The following NUDT4 variants were observed in gnomAD, a reference collection of about 807,000 sequenced individuals.
The protein encoded by NUDT4 is diphosphoinositol polyphosphate phosphohydrolase 2.
In NUDT4, 5 loss-of-function variants were observed where a neutral mutation model predicts 23.1. The observed-to-expected ratio is 0.22, with a 90% confidence interval of 0.11 to 0.46. The LOEUF (loss-of-function observed/expected upper bound fraction) is 0.46, where lower values mean the gene tolerates loss of function less well. Ranked by LOEUF, NUDT4 falls within the 20% of genes least tolerant of loss-of-function variation. The pLI, the probability that NUDT4 is intolerant of heterozygous loss-of-function variation, is 0.99. For synonymous variants in NUDT4, 50 were observed against 79.0 expected (o/e 0.63, Z 1.95); for missense variants, 96 against 211.6 (o/e 0.45, Z 3.39).
At position 93,406,376 on chromosome 12, in the gene NUDT4, T is replaced by A. The variant is rs1470015839; in HGVS notation, c.*6997T>A. 6.6e-6 allele frequency: 1 copy of A among 151,152 alleles called. No homozygotes were observed. Among genetic ancestry groups the A allele is most frequent in the African/African-American group, 2.4e-5 (1 of 41,118 alleles). 9.4% of individuals were successfully genotyped at this position (151,152 alleles called of 1,614,324 possible). ...TTCCTCGATCCAATTTAGTTCCACTTAGGTCACTGTGTTTATAATGTCTTT... is the reference window on the plus strand; with the variant it reads ...TTCCTCGATCCAATTTAGTTCCACTAAGGTCACTGTGTTTATAATGTCTTT... On this transcript the variant is annotated 3_prime_UTR_variant, in exon 5 of 5. Transcript: ENST00000415493.
Position 93,378,257 on chromosome 12 carries a change from G to A in NUDT4, c.-66G>A, listed in dbSNP as rs1388790340. On this transcript the variant is annotated 5_prime_UTR_variant, in exon 1 of 5. The change creates a new upstream start codon in the 5' untranslated region. Transcript: ENST00000415493. Reference sequence around the variant, plus strand: ...GCCCTCGCCCCCACTCCCCGGCGGGGTGGCGGCGGCCGGGCCCCCACGGCG... The same window carrying A: ...GCCCTCGCCCCCACTCCCCGGCGGGATGGCGGCGGCCGGGCCCCCACGGCG... 1.8e-5 allele frequency: 12 copies of A among 675,132 alleles called. No homozygotes were observed. Among genetic ancestry groups the A allele is most frequent in the Non-Finnish European group, 2.2e-6 (1 of 444,568 alleles). The allele number at this position is 675,132 out of a possible 1,614,324, so 41.8% of individuals were successfully genotyped here.
At chr12:93,396,418 T>A (rs891996407) in intron 3 of NUDT4, among the ~76,000 whole-genome samples, 1 of 152,204 alleles carries the variant, frequency 6.6e-6, no homozygotes. Flanking sequence ...CAGATGTATC[T>A]TCATCCAAGA....
Position 93,395,551 on chromosome 12 carries a change from CTT to C in NUDT4, c.255+19_255+20del. On this transcript the variant is annotated intron_variant, in intron 3 of 4. Transcript: ENST00000415493. ...TATTTGAGGTGAGTTAAAAAGTAAT[CTT>C]CACTTTGCTGATAATAGAATTAATG... The C allele has an allele frequency of 6.3e-7, 1 of 1,581,990 alleles. No homozygotes were observed. Among genetic ancestry groups the C allele is most frequent in the East Asian group, 2.2e-5 (1 of 44,676 alleles).
At position 93,407,274 on chromosome 12, in the gene NUDT4, A is replaced by G. The variant is rs956396113; in HGVS notation, c.*7895A>G. The G allele has an allele frequency of 6.6e-6, 1 of 152,316 alleles. No individual in the cohort carries two copies. Among genetic ancestry groups the G allele is most frequent in the African/African-American group, 2.4e-5 (1 of 41,442 alleles). 9.4% of individuals were successfully genotyped at this position (152,316 alleles called of 1,614,324 possible). A position where few individuals can be genotyped will look rare whatever the true frequency, so the allele number is the denominator to read the frequency against. The stretch of plus-strand genomic sequence containing the variant: ...TGGCCTGAATCCAAAAGTCTGTCCA[A>G]GTTACTTCTCTTTTCCATGACAGAG... On this transcript the variant is annotated 3_prime_UTR_variant, in exon 5 of 5. Coordinates refer to ENST00000415493, the MANE Select transcript of NUDT4 (RefSeq NM_019094.6).
chr12:93,395,529 T>A lies in NUDT4; in HGVS notation c.251T>A (p.Phe84Tyr). The change falls in exon 3 of 5, where the codon TTT becomes TAT. Residue 84 changes from phenylalanine (F) to tyrosine (Y), a missense_variant. By Grantham distance (22) the Phe-to-Tyr change is conservative (BLOSUM62 3). Coordinates refer to ENST00000415493, the MANE Select transcript of NUDT4 (RefSeq NM_019094.6). ...AAACTAGGCAGACTTCTGGGCATATTTGAGGTGAGTTAAAAAGTAATCTTC... is the reference window on the plus strand; with the variant it reads ...AAACTAGGCAGACTTCTGGGCATATATGAGGTGAGTTAAAAAGTAATCTTC... ...KGKLGRLLGI[F>Y]ENQDRKHRTY... is the part of the protein sequence containing the mutation. 6.2e-7 allele frequency: 1 copy of A among 1,606,450 alleles called. No individual in the cohort carries two copies. The highest frequency in any genetic ancestry group is 8.5e-7 in the Non-Finnish European group (1 of 1,173,134).
chr12:93,397,286 A>G (rs1483568508), intron 3 of NUDT4, among the ~76,000 whole-genome samples: 1 of 124,428 alleles, frequency 8.0e-6, no homozygotes, highest in African/African-American at 2.6e-5. Context: ...TGATGTGTTA[A>G]TTGACAGTTG....
chr12:93,393,533 T>C (rs1476854567), intron 1 of NUDT4, among the ~76,000 whole-genome samples: 1 of 152,206 alleles, frequency 6.6e-6, no homozygotes, highest in Admixed American at 6.5e-5. Flanking sequence ...GTTGCATCAT[T>C]AAAACAACCA....
chr12:93,403,849 G>A lies in NUDT4; in HGVS notation c.*4470G>A, dbSNP rs977107986. 11 of 152,148 alleles carry A rather than the reference G, an allele frequency of 7.2e-5. No homozygotes were observed. Among genetic ancestry groups the A allele is most frequent in the Admixed American group, 2.6e-4 (4 of 15,280 alleles). The allele number at this position is 152,148 out of a possible 1,614,324, so 9.4% of individuals were successfully genotyped here. A position where few individuals can be genotyped will look rare whatever the true frequency, so the allele number is the denominator to read the frequency against. On this transcript the variant is annotated 3_prime_UTR_variant, in exon 5 of 5. Coordinates refer to ENST00000415493, the MANE Select transcript of NUDT4 (RefSeq NM_019094.6). Reference sequence around the variant, plus strand: ...GCCACTGGCTAAATTCTAGCAGTACGATGAGAGGGCCATTAAGGCCTATCT... The same window carrying A: ...GCCACTGGCTAAATTCTAGCAGTACAATGAGAGGGCCATTAAGGCCTATCT...
chr12:93,398,697 T>C (rs1233043068), intron 3 of NUDT4, 74 bp from the exon 4 acceptor site: 2 of 1,013,358 alleles, frequency 2.0e-6, no homozygotes, highest in Non-Finnish European at 3.0e-6. Context: ...GCCAGACTAA[T>C]TTTTTTCCCT....
At chr12:93,381,356 C>A (rs1875647613) in intron 1 of NUDT4, among the ~76,000 whole-genome samples, 1 of 152,186 alleles carries the variant, frequency 6.6e-6, no homozygotes, top group Non-Finnish European at 1.5e-5. Flanking sequence ...AGGCCCACAG[C>A]TAATTGCCCT....
intron 1 of NUDT4, among the ~76,000 whole-genome samples, chr12:93,389,067 A>G (rs559595641): frequency 6.6e-6 from 1 of 152,366 alleles, no homozygotes; most frequent in East Asian, 1.9e-4. Flanking sequence ...TTTTAAAACT[A>G]CCATCACCAA....
At chr12:93,396,636 G>A (rs1450870730) in intron 3 of NUDT4, among the ~76,000 whole-genome samples, 1 of 152,148 alleles carries the variant, frequency 6.6e-6, no homozygotes, top group Non-Finnish European at 1.5e-5. Context: ...AAAGTTGGCC[G>A]GGCGTGGTGG....
chr12:93,391,501 G>T (rs1051908389), intron 1 of NUDT4, among the ~76,000 whole-genome samples: 1 of 151,748 alleles, frequency 6.6e-6, no homozygotes, highest in African/African-American at 2.4e-5. Context: ...GGAGGCAGAG[G>T]TTGCTGTGAG....
At chr12:93,380,382 T>C (rs1020095892) in intron 1 of NUDT4, among the ~76,000 whole-genome samples, 1 of 152,244 alleles carries the variant, frequency 6.6e-6, no homozygotes, top group Admixed American at 6.5e-5. Flanking sequence ...ATTTTTATGC[T>C]TGGATATTAT....
intron 3 of NUDT4, among the ~76,000 whole-genome samples, chr12:93,396,746 C>T (rs531077737): frequency 1.3e-5 from 2 of 152,234 alleles, no homozygotes; most frequent in Non-Finnish European, 2.9e-5. Flanking sequence ...AACCCTGTCT[C>T]TACTAAAAAT....
At position 93,405,674 on chromosome 12, in the gene NUDT4, A is replaced by G. The variant is rs907793603; in HGVS notation, c.*6295A>G. ...GTGTATAGTTAAGAAAACAAACAAT[A>G]TATTACTAGTCCAGGTGGTAGATGA... On this transcript the variant is annotated 3_prime_UTR_variant, in exon 5 of 5. Transcript: ENST00000415493. 17 of 152,166 alleles carry G rather than the reference A, an allele frequency of 1.1e-4. No individual in the cohort carries two copies. Among genetic ancestry groups the G allele is most frequent in the Admixed American group, 5.2e-4 (8 of 15,280 alleles). 9.4% of individuals were successfully genotyped at this position (152,166 alleles called of 1,614,324 possible). A position where few individuals can be genotyped will look rare whatever the true frequency, so the allele number is the denominator to read the frequency against.
intron 3 of NUDT4, among the ~76,000 whole-genome samples, chr12:93,395,944 C>T (rs2120955947): frequency 6.6e-6 from 1 of 152,346 alleles, no homozygotes. Flanking sequence ...TGGTCTCCAT[C>T]TCTTGACCTA....
Position 93,404,402 on chromosome 12 carries a change from G to A in NUDT4, c.*5023G>A, listed in dbSNP as rs1877684324. ...ATCTGAGTGGAAACTGATACAGCCT[G>A]TCGGAGAGCTACTGAGTAGTATTTT... is the stretch of plus-strand genomic sequence containing the variant. On this transcript the variant is annotated 3_prime_UTR_variant, in exon 5 of 5. Coordinates refer to ENST00000415493, the MANE Select transcript of NUDT4 (RefSeq NM_019094.6). 1 of 152,212 alleles carries A rather than the reference G, an allele frequency of 6.6e-6. No homozygotes were observed. Among genetic ancestry groups the A allele is most frequent in the African/African-American group, 2.4e-5 (1 of 41,458 alleles). 9.4% of individuals were successfully genotyped at this position (152,212 alleles called of 1,614,324 possible). A position where few individuals can be genotyped will look rare whatever the true frequency, so the allele number is the denominator to read the frequency against.
At chr12:93,398,538 A>G (rs1351602440) in intron 3 of NUDT4, among the ~76,000 whole-genome samples, 3 of 152,102 alleles carry the variant, frequency 2.0e-5, no homozygotes, top group Non-Finnish European at 4.4e-5. Flanking sequence ...TTGAGAGCCA[A>G]TTTCACCACC....
Sources: allele counts gnomAD v4.1 joint callset (sites outside exome capture counted in the v4.1 genomes callset), GRCh38; gene constraint gnomAD v4.1.1; transcripts MANE v1.5; gene names NCBI Gene and HGNC (gene_info 2026-07-23, HGNC 2026-07-21).